The following SAP30BP variants were observed in gnomAD, a reference collection of about 807,000 sequenced individuals.
SAP30BP encodes SAP30 binding protein.
SAP30BP carries 31 observed loss-of-function variants against 46.3 expected under a neutral mutation model. The observed-to-expected ratio is 0.67, with a 90% confidence interval of 0.50 to 0.90. The LOEUF is 0.90. Ranked by LOEUF, SAP30BP falls within the 40% of genes least tolerant of loss-of-function variation. The pLI is 0.00. For synonymous variants in SAP30BP, 169 were observed against 144.2 expected (o/e 1.17, Z -1.23); for missense variants, 312 against 391.0 (o/e 0.80, Z 1.70).
chr17:75,697,900 G>C (rs1307115370), intron 4 of SAP30BP, among the ~76,000 whole-genome samples: 2 of 152,242 alleles, frequency 1.3e-5, no homozygotes, highest in Non-Finnish European at 2.9e-5. Context: ...GGGGCTGGCT[G>C]TGCGAAGCCA....
intron 2 of SAP30BP, among the ~76,000 whole-genome samples, chr17:75,671,464 G>C (rs2059906599): frequency 6.6e-6 from 1 of 152,186 alleles, no homozygotes; most frequent in African/African-American, 2.4e-5. Context: ...CACGATGCCT[G>C]TTTTATTGTG....
intron 3 of SAP30BP, among the ~76,000 whole-genome samples, chr17:75,672,429 G>C (rs1444479654): frequency 6.6e-6 from 1 of 152,176 alleles, no homozygotes; most frequent in East Asian, 1.9e-4. Context: ...TGTCATCCTA[G>C]TAGCAGCCAA....
chr17:75,686,454 T>G (rs1475467190), intron 3 of SAP30BP, among the ~76,000 whole-genome samples: 2 of 151,444 alleles, frequency 1.3e-5, no homozygotes, highest in African/African-American at 4.9e-5. Context: ...AGGCGGAGCT[T>G]GCAGTGAGCC....
chr17:75,702,823 C>T, intron 6 of SAP30BP: 1 of 349,624 alleles, frequency 2.9e-6, no homozygotes, highest in Non-Finnish European at 5.3e-6. Context: ...TGGCTGAGTT[C>T]TCGTCCCTGC....
At chr17:75,702,031 G>C (rs1033452220) in intron 5 of SAP30BP, among the ~76,000 whole-genome samples, 1 of 152,098 alleles carries the variant, frequency 6.6e-6, no homozygotes, top group Non-Finnish European at 1.5e-5. Context: ...TTAATTTTTT[G>C]TTTTGTTTTG....
At chr17:75,685,281 T>G (rs945811674) in intron 3 of SAP30BP, among the ~76,000 whole-genome samples, 1 of 152,232 alleles carries the variant, frequency 6.6e-6, no homozygotes, top group Non-Finnish European at 1.5e-5. Context: ...CTGCCTGTCC[T>G]TAGGGATCCA....
intron 3 of SAP30BP, 192 bp downstream of exon 3, chr17:75,672,055 C>G (rs1394767558): frequency 5.1e-6 from 3 of 585,214 alleles, no homozygotes; most frequent in Non-Finnish European, 9.4e-6. Context: ...TCCTGAGACA[C>G]ATTGGATTTC....
intron 9 of SAP30BP, chr17:75,705,648 G>A (rs1035852926): frequency 3.1e-5 from 33 of 1,073,702 alleles, no homozygotes; most frequent in Non-Finnish European, 3.5e-5. Context: ...CCTGGGGACC[G>A]GAGCTGTCCT....
At chr17:75,668,417 G>A in intron 1 of SAP30BP, 99 bp from the exon 2 acceptor site, 1 of 681,450 alleles carries the variant, frequency 1.5e-6, no homozygotes, top group Non-Finnish European at 2.4e-6. Context: ...TTCAGAGATA[G>A]TCTTGGCCAC....
chr17:75,671,061 G>A (rs1279538297), intron 2 of SAP30BP, among the ~76,000 whole-genome samples: 3 of 152,152 alleles, frequency 2.0e-5, no homozygotes, highest in African/African-American at 7.2e-5. Context: ...GTGGAATGGC[G>A]GGCTCGCTTT....
chr17:75,669,269 A>G (rs2059872910), intron 2 of SAP30BP, among the ~76,000 whole-genome samples: 1 of 151,148 alleles, frequency 6.6e-6, no homozygotes, highest in Non-Finnish European at 1.5e-5. Flanking sequence ...TTTTTGTCGG[A>G]ATCTTGCTCT....
intron 3 of SAP30BP, 24 bp from the exon 4 acceptor site, chr17:75,693,416 C>A: frequency 6.2e-7 from 1 of 1,611,894 alleles, no homozygotes; most frequent in Non-Finnish European, 8.5e-7. Flanking sequence ...GTCTTACCTC[C>A]TCGTATTTGT....
intron 3 of SAP30BP, chr17:75,684,079 G>A (rs1388027138): frequency 6.6e-6 from 1 of 152,220 alleles, no homozygotes; most frequent in East Asian, 1.9e-4. Flanking sequence ...GCTACCCTTT[G>A]CAGCCTCTTA....
chr17:75,678,463 AAC>A (rs59943167), intron 3 of SAP30BP, among the ~76,000 whole-genome samples: 9,966 of 147,590 alleles, frequency 0.068, 390 homozygotes, highest in African/African-American at 0.1. Flanking sequence ...CACAATTTAA[AAC>A]ACACACACAC....
chr17:75,693,570 G>A, intron 4 of SAP30BP, 88 bp downstream of exon 4: 1 of 1,263,442 alleles, frequency 7.9e-7, no homozygotes, highest in South Asian at 1.3e-5. Flanking sequence ...CCGCCCCACA[G>A]GGCTTCTGTC....
chr17:75,683,792 G>GGT (rs1411240369), intron 3 of SAP30BP: 2 of 152,248 alleles, frequency 1.3e-5, no homozygotes, highest in Admixed American at 1.3e-4. Context: ...AGGACAGGGA[G>GGT]GTAGCACCCA....
intron 3 of SAP30BP, chr17:75,691,696 G>C: frequency 2.9e-6 from 1 of 341,012 alleles, no homozygotes; most frequent in South Asian, 2.2e-5. Flanking sequence ...AAGGGTGAGT[G>C]GGGGCTGGAG....
At chr17:75,695,209 C>G (rs897636513) in intron 4 of SAP30BP, among the ~76,000 whole-genome samples, 1 of 152,208 alleles carries the variant, frequency 6.6e-6, no homozygotes, top group African/African-American at 2.4e-5. Flanking sequence ...GTGGGGCTGT[C>G]CTGTGCTTTG....
chr17:75,667,691 A>G (rs2059816925), intron 1 of SAP30BP, among the ~76,000 whole-genome samples: 1 of 152,238 alleles, frequency 6.6e-6, no homozygotes, highest in Non-Finnish European at 1.5e-5. Context: ...GCCTAAACTT[A>G]CTGAAAGACT....
Sources: allele counts gnomAD v4.1 joint callset (sites outside exome capture counted in the v4.1 genomes callset), GRCh38; gene constraint gnomAD v4.1.1; transcripts MANE v1.5; gene names NCBI Gene and HGNC (gene_info 2026-07-23, HGNC 2026-07-21).